KCNAB1: variants seen among roughly 807,000 people sequenced by gnomAD.
KCNAB1 encodes voltage-gated potassium channel subunit beta-1.
A neutral mutation model predicts 64.6 loss-of-function variants in KCNAB1; 35 were observed. That is an observed-to-expected ratio of 0.54 (90% CI 0.41 to 0.72). The LOEUF (loss-of-function observed/expected upper bound fraction) is 0.72, where lower values mean the gene tolerates loss of function less well. Ranked by LOEUF, KCNAB1 falls within the 30% of genes least tolerant of loss-of-function variation. KCNAB1 has a pLI of 0.00. For synonymous variants in KCNAB1, 177 were observed against 183.8 expected (o/e 0.96, Z 0.30); for missense variants, 401 against 512.9 (o/e 0.78, Z 2.11).
At chr3:156,349,193 A>C (rs527405524) in intron 1 of KCNAB1, among the ~76,000 whole-genome samples, 1 of 152,184 alleles carries the variant, frequency 6.6e-6, no homozygotes, top group East Asian at 1.9e-4. Flanking sequence ...GAACCACTTA[A>C]TTTGTCCTTC....
chr3:156,510,137 C>A (rs1289438109), intron 8 of KCNAB1, among the ~76,000 whole-genome samples: 1 of 152,238 alleles, frequency 6.6e-6, no homozygotes, highest in African/African-American at 2.4e-5. Flanking sequence ...TTCCACCAAG[C>A]TTTTCTCTTC....
At chr3:156,176,113 T>C in intron 1 of KCNAB1, 1 of 768,340 alleles carries the variant, frequency 1.3e-6, no homozygotes, top group South Asian at 1.4e-5. Context: ...ACACCTCTCT[T>C]TGGGGGCAAA....
intron 1 of KCNAB1, among the ~76,000 whole-genome samples, chr3:156,232,017 C>A (rs936226177): frequency 6.6e-6 from 1 of 152,178 alleles, no homozygotes; most frequent in Non-Finnish European, 1.5e-5. Context: ...CAGAGTTTGA[C>A]TCTTCGTCAA....
intron 1 of KCNAB1, among the ~76,000 whole-genome samples, chr3:156,277,842 G>A (rs141276462): frequency 3.3e-5 from 5 of 152,234 alleles, no homozygotes; most frequent in African/African-American, 9.6e-5. Flanking sequence ...ATAGTTGGGC[G>A]TACTAATTTA....
intron 1 of KCNAB1, among the ~76,000 whole-genome samples, chr3:156,320,087 T>C (rs1252367648): frequency 6.6e-6 from 1 of 152,110 alleles, no homozygotes; most frequent in Non-Finnish European, 1.5e-5. Flanking sequence ...CTTTCTACAT[T>C]CTCTGAGGAC....
intron 11 of KCNAB1, among the ~76,000 whole-genome samples, chr3:156,517,719 T>G (rs1312734537): frequency 6.6e-6 from 1 of 152,250 alleles, no homozygotes; most frequent in East Asian, 1.9e-4. Context: ...TTTTAGTCAG[T>G]TGAGCTAAGC....
At chr3:156,171,070 T>C (rs1711946696) in intron 1 of KCNAB1, among the ~76,000 whole-genome samples, 1 of 152,034 alleles carries the variant, frequency 6.6e-6, no homozygotes, top group African/African-American at 2.4e-5. Flanking sequence ...TTTACCCAAT[T>C]ATGTATGTCT....
chr3:156,192,617 T>G (rs781135580), intron 1 of KCNAB1, among the ~76,000 whole-genome samples: 1 of 151,924 alleles, frequency 6.6e-6, no homozygotes, highest in Non-Finnish European at 1.5e-5. Context: ...TAAATTTGCC[T>G]TTTTTTGGCA....
chr3:156,254,657 A>G (rs1303427470), intron 1 of KCNAB1, among the ~76,000 whole-genome samples: 3 of 152,210 alleles, frequency 2.0e-5, no homozygotes, highest in Non-Finnish European at 4.4e-5. Flanking sequence ...ACAGTAGAAA[A>G]TGTGACCTTT....
intron 1 of KCNAB1, among the ~76,000 whole-genome samples, chr3:156,172,590 A>T (rs1417011005): frequency 1.3e-5 from 2 of 152,168 alleles, no homozygotes; most frequent in Non-Finnish European, 2.9e-5. Flanking sequence ...ATCAAACGGC[A>T]TTTTAAAAAA....
chr3:156,338,442 C>G (rs1331539646), intron 1 of KCNAB1, among the ~76,000 whole-genome samples: 1 of 151,436 alleles, frequency 6.6e-6, no homozygotes, highest in Non-Finnish European at 1.5e-5. Flanking sequence ...TCCCTAGTAG[C>G]TGGGATTATA....
intron 1 of KCNAB1, among the ~76,000 whole-genome samples, chr3:156,254,418 A>G (rs1382948683): frequency 6.6e-6 from 1 of 152,176 alleles, no homozygotes; most frequent in African/African-American, 2.4e-5. Context: ...GATGGTGAGG[A>G]ATGGTTAGGC....
Position 156,305,613 on chromosome 3 carries a change from G to T in KCNAB1, c.276-116003G>T, listed in dbSNP as rs552669266. Among the ~76,000 whole-genome samples, 4 of 152,234 alleles carry T rather than the reference G, an allele frequency of 2.6e-5. No individual in the cohort carries two copies. In the South Asian group the frequency reaches 6.2e-4, roughly 24 times the overall value. ...TCCTTGGTGTCCCCCAAATTATTCT[G>T]CCATAATGACTGGAAACTAATAGTT... is the stretch of plus-strand genomic sequence containing the variant. On this transcript the variant is annotated intron_variant, in intron 1 of 13. Transcript: ENST00000490337.
chr3:156,120,562 A>T, upstream of KCNAB1: 1 of 1,606,200 alleles, frequency 6.2e-7, no homozygotes, highest in Non-Finnish European at 8.5e-7. Context: ...AAATCAATTC[A>T]GATTACTTTG....
At chr3:156,494,602 C>T (rs539254081) in intron 8 of KCNAB1, among the ~76,000 whole-genome samples, 3 of 152,134 alleles carry the variant, frequency 2.0e-5, no homozygotes, top group Non-Finnish European at 2.9e-5. Flanking sequence ...AAGAGATTCA[C>T]GTGTGAAAGT....
chr3:156,197,791 C>T (rs570117255), intron 1 of KCNAB1, among the ~76,000 whole-genome samples: 57 of 152,242 alleles, frequency 3.7e-4, no homozygotes, highest in African/African-American at 1.3e-3. Flanking sequence ...TCTCTATCTC[C>T]TTTAGTTCTG....
intron 1 of KCNAB1, chr3:156,292,026 T>G: frequency 6.2e-7 from 1 of 1,614,022 alleles, no homozygotes; most frequent in Non-Finnish European, 8.5e-7. Flanking sequence ...CGGGCCAAAT[T>G]CCGCACGGTC....
At chr3:156,252,771 G>T (rs1717903624) in intron 1 of KCNAB1, among the ~76,000 whole-genome samples, 1 of 152,184 alleles carries the variant, frequency 6.6e-6, no homozygotes, top group Non-Finnish European at 1.5e-5. Flanking sequence ...TTTCTTCTCA[G>T]TGCAGGAGCT....
intron 1 of KCNAB1, among the ~76,000 whole-genome samples, chr3:156,370,913 G>A (rs896383802): frequency 2.0e-5 from 3 of 152,228 alleles, no homozygotes; most frequent in African/African-American, 4.8e-5. Context: ...GCAATGGCTT[G>A]TGAACATCAT....
Sources: allele counts gnomAD v4.1 joint callset (sites outside exome capture counted in the v4.1 genomes callset), GRCh38; gene constraint gnomAD v4.1.1; transcripts MANE v1.5; gene names NCBI Gene and HGNC (gene_info 2026-07-23, HGNC 2026-07-21).